Variants in TLL1 observed in about 807,000 individuals in gnomAD.
The protein encoded by TLL1 is tolloid like 1.
Under a neutral mutation model 128.2 loss-of-function variants are expected in TLL1, and 49 were observed. The observed-to-expected ratio is 0.38, with a 90% CI of 0.30 to 0.48. The LOEUF is 0.48. Among genes scored for constraint, TLL1 ranks in the 20% least tolerant of loss-of-function variants. The probability of loss-of-function intolerance (pLI) is 0.96; values close to 1 mark genes in which losing one functional copy is unlikely to be tolerated. For synonymous variants in TLL1, 454 were observed against 418.8 expected, an observed-to-expected ratio of 1.08 and a Z score of -1.03; for missense variants, 1,123 against 1,242.0, an observed-to-expected ratio of 0.90 and a Z score of 1.44.
intron 1 of TLL1, among the ~76,000 whole-genome samples, chr4:165,894,074 T>C (rs1731545738): frequency 1.3e-5 from 2 of 152,150 alleles, no homozygotes; most frequent in African/African-American, 2.4e-5. Context: ...ATTATAACAC[T>C]GAAGTAATCA....
At chr4:165,985,471 C>T (rs992853125) in intron 1 of TLL1, among the ~76,000 whole-genome samples, 1 of 151,994 alleles carries the variant, frequency 6.6e-6, no homozygotes. Flanking sequence ...CTTTGTGTAA[C>T]CCCTTTTGAC....
intron 1 of TLL1, among the ~76,000 whole-genome samples, chr4:165,897,065 A>G (rs1186614684): frequency 6.6e-6 from 1 of 152,008 alleles, no homozygotes. Flanking sequence ...AGAAATTTTC[A>G]TATCCTTCAC....
chr4:165,982,927 G>A (rs549054295), intron 1 of TLL1, among the ~76,000 whole-genome samples: 2 of 151,888 alleles, frequency 1.3e-5, no homozygotes, highest in African/African-American at 2.4e-5. Context: ...ACAAATGTTT[G>A]CCCTGTCCTT....
chr4:165,959,904 T>G (rs1262305934), intron 1 of TLL1, among the ~76,000 whole-genome samples: 1 of 152,034 alleles, frequency 6.6e-6, no homozygotes, highest in Non-Finnish European at 1.5e-5. Context: ...TATCTCAAAT[T>G]AATGATCAAA....
intron 1 of TLL1, among the ~76,000 whole-genome samples, chr4:165,915,917 A>G (rs181107147): frequency 6.6e-6 from 1 of 152,316 alleles, no homozygotes; most frequent in Admixed American, 6.5e-5. Context: ...ACCATTCAAA[A>G]TCACTTAAAA....
At chr4:166,075,050 T>C in intron 17 of TLL1, 47 bp downstream of exon 17, 1 of 1,607,996 alleles carries the variant, frequency 6.2e-7, no homozygotes, top group Non-Finnish European at 8.5e-7. Context: ...GAATTTCATG[T>C]GGTTTGGGTA....
At chr4:166,032,407 G>A (rs542040018) in intron 9 of TLL1, among the ~76,000 whole-genome samples, 1 of 152,142 alleles carries the variant, frequency 6.6e-6, no homozygotes, top group East Asian at 1.9e-4. Context: ...GTAATATGGG[G>A]GAGTGGGTTG....
Position 166,065,767 on chromosome 4 carries a change from C to G in TLL1, c.2092C>G (p.Pro698Ala). ...TGGCAAATTCTGTGGCGCTGAAGTG[C>G]CTGAAGTGATCACATCCCAGTTCAA... ...LHGKFCGAEV[P>A]EVITSQFNNM... Residue 698 changes from proline (P) to alanine (A), a missense_variant, in exon 16 of 21, where the codon CCT becomes GCT. Pro to Ala is a conservative substitution (Grantham distance 27, BLOSUM62 -1). Transcript: ENST00000061240. 1 of 1,612,948 alleles carries G rather than the reference C, an allele frequency of 6.2e-7. No individual in the cohort carries two copies. Among genetic ancestry groups the G allele is most frequent in the Non-Finnish European group, 8.5e-7 (1 of 1,179,334 alleles).
chr4:166,051,829 G>C (rs1293768475), intron 12 of TLL1, among the ~76,000 whole-genome samples: 2 of 152,134 alleles, frequency 1.3e-5, no homozygotes, highest in Non-Finnish European at 2.9e-5. Context: ...GGCATTCACT[G>C]TGTGAGAATG....
At chr4:166,068,344 TTATC>T (rs1387006992) in intron 16 of TLL1, among the ~76,000 whole-genome samples, 1 of 151,862 alleles carries the variant, frequency 6.6e-6, no homozygotes, top group Non-Finnish European at 1.5e-5. Context: ...TTACAAAAGA[TTATC>T]TAATTTAATT....
At position 165,874,024 on chromosome 4, in the gene TLL1, C is replaced by G; in HGVS notation, c.120C>G (p.Asn40Lys). ...GLDYDYTFDG[N>K]EEDKTETIDY... ...ATTATGATTACACTTTTGATGGGAA[C>G]GAAGAGGATAAAACAGAGACTATAG... The change falls in exon 1 of 21, where the codon AAC becomes AAG. Residue 40 changes from asparagine to lysine, a missense_variant. Transcript: ENST00000061240. The G allele has an allele frequency of 3.1e-6, 5 of 1,614,084 alleles. No homozygotes were observed. Among genetic ancestry groups the G allele is most frequent in the Non-Finnish European group, 4.2e-6 (5 of 1,180,004 alleles).
intron 1 of TLL1, among the ~76,000 whole-genome samples, chr4:165,937,864 A>C (rs74872888): frequency 0.031 from 1,867 of 60,992 alleles, 28 homozygotes; most frequent in East Asian, 0.15. Flanking sequence ...CCCCCCCCCC[A>C]AAAAAAAGCA....
Position 166,053,772 on chromosome 4 carries a change from G to A in TLL1, c.1525-1304G>A, listed in dbSNP as rs553590442. Among the ~76,000 whole-genome samples the A allele has an allele frequency of 3.9e-5, 6 of 152,084 alleles. No individual in the cohort carries two copies. In the South Asian group the frequency reaches 8.3e-4, roughly 21 times the overall value. Reference sequence around the variant, plus strand: ...TAGTAACAGAGTTCCATAAATTAACGAATTGTATGTTGAGTGATATTGACA... The same window carrying A: ...TAGTAACAGAGTTCCATAAATTAACAAATTGTATGTTGAGTGATATTGACA... On this transcript the variant is annotated intron_variant, in intron 12 of 20. Transcript: ENST00000061240.
intron 1 of TLL1, among the ~76,000 whole-genome samples, chr4:165,892,032 A>G (rs1318848302): frequency 6.6e-6 from 1 of 152,228 alleles, no homozygotes; most frequent in African/African-American, 2.4e-5. Context: ...GAAGCCTACA[A>G]TCACGGTGGA....
intron 1 of TLL1, among the ~76,000 whole-genome samples, chr4:165,903,955 A>G (rs1179270140): frequency 4.6e-5 from 7 of 152,100 alleles, no homozygotes; most frequent in Admixed American, 6.5e-5. Flanking sequence ...TACCACCATT[A>G]TATTTCAGGA....
intron 1 of TLL1, among the ~76,000 whole-genome samples, chr4:165,969,629 G>T (rs762058359): frequency 6.6e-6 from 1 of 152,064 alleles, no homozygotes; most frequent in Non-Finnish European, 1.5e-5. Flanking sequence ...GTCATAAATT[G>T]GTTGTGGGGT....
chr4:165,936,206 A>G (rs191546670), intron 1 of TLL1, among the ~76,000 whole-genome samples: 1 of 139,602 alleles, frequency 7.2e-6, no homozygotes, highest in Non-Finnish European at 1.5e-5. Context: ...ATATATATAT[A>G]TTTTTTTTTC....
At chr4:166,068,835 C>G (rs1305285394) in intron 16 of TLL1, among the ~76,000 whole-genome samples, 1 of 151,772 alleles carries the variant, frequency 6.6e-6, no homozygotes, top group Non-Finnish European at 1.5e-5. Flanking sequence ...TTCAGCGATT[C>G]CACAGTGTAA....
intron 15 of TLL1, among the ~76,000 whole-genome samples, chr4:166,060,870 A>G (rs1307237094): frequency 1.3e-5 from 2 of 152,196 alleles, no homozygotes; most frequent in African/African-American, 2.4e-5. Flanking sequence ...CCTTTGTGTG[A>G]TTGGTCAACA....
Sources: gnomAD v4.1 joint callset for allele counts (sites outside exome capture counted in the v4.1 genomes callset) on GRCh38, gnomAD v4.1.1 for gene constraint, MANE v1.5 for transcripts, NCBI Gene and HGNC (gene_info 2026-07-23, HGNC 2026-07-21) for gene names.